Variants in SIRT4 observed in about 807,000 individuals in gnomAD.
The protein encoded by SIRT4 is NAD-dependent protein lipoamidase sirtuin-4, mitochondrial.
SIRT4 carries 23 observed loss-of-function variants against 26.1 expected under a neutral mutation model. The observed-to-expected ratio is 0.88, with a 90% CI of 0.63 to 1.25. SIRT4 has a LOEUF of 1.25. SIRT4 is among the 50% of genes most tolerant of loss of function. The probability of loss-of-function intolerance (pLI) is 0.00; values close to 1 mark genes in which losing one functional copy is unlikely to be tolerated. For missense variants in SIRT4, 361 were observed against 405.4 expected (o/e 0.89, Z 0.94); for synonymous variants, 155 against 158.4 (o/e 0.98, Z 0.16).
At chr12:120,311,185 G>A (rs1239227631) in intron 2 of SIRT4, among the ~76,000 whole-genome samples, 3 of 147,930 alleles carry the variant, frequency 2.0e-5, no homozygotes, top group East Asian at 2.2e-4. Context: ...GAGAAACCCC[G>A]TCTCTACTAA....
At chr12:120,306,011 C>CAA (rs1297577997) in intron 2 of SIRT4, among the ~76,000 whole-genome samples, 6 of 73,794 alleles carry the variant, frequency 8.1e-5, no homozygotes, top group East Asian at 7.4e-4. Context: ...GACTCCGTCT[C>CAA]AAAAAAAAAA....
chr12:120,306,575 G>A (rs1248959838), intron 2 of SIRT4, among the ~76,000 whole-genome samples: 1 of 152,078 alleles, frequency 6.6e-6, no homozygotes, highest in Non-Finnish European at 1.5e-5. Context: ...GCAGAGGCAG[G>A]CAGATCACTT....
At chr12:120,306,867 T>C (rs1362638449) in intron 2 of SIRT4, among the ~76,000 whole-genome samples, 1 of 152,196 alleles carries the variant, frequency 6.6e-6, no homozygotes, top group Non-Finnish European at 1.5e-5. Context: ...GAGGAAAATA[T>C]GAGCTGAACA....
At chr12:120,297,535 AAAAGAAAGAAAG>A (rs143033841), upstream of SIRT4, among the ~76,000 whole-genome samples, 2 of 151,642 alleles carry the variant, frequency 1.3e-5, no homozygotes, top group Non-Finnish European at 2.9e-5. Context: ...CAAAAATTAA[AAAAGAAAGAAAG>A]AAAGAAAGAA....
chr12:120,302,143 CAA>C (rs759222331), upstream of SIRT4, among the ~76,000 whole-genome samples: 7 of 149,880 alleles, frequency 4.7e-5, no homozygotes, highest in Non-Finnish European at 5.9e-5. Context: ...AAATTGAAAA[CAA>C]AGAAAAAAAT....
chr12:120,310,392 T>G (rs1017099795), intron 2 of SIRT4, among the ~76,000 whole-genome samples: 1 of 151,944 alleles, frequency 6.6e-6, no homozygotes, highest in African/African-American at 2.4e-5. Flanking sequence ...CCAAAAAAAT[T>G]TTTTTTGTAG....
At chr12:120,310,013 G>A (rs994954054) in intron 2 of SIRT4, among the ~76,000 whole-genome samples, 89 of 152,000 alleles carry the variant, frequency 5.9e-4, no homozygotes, top group African/African-American at 2.1e-3. Flanking sequence ...CACCGTGCCC[G>A]GCCTGGCCTT....
intron 2 of SIRT4, among the ~76,000 whole-genome samples, chr12:120,305,216 T>C (rs889744963): frequency 7.4e-6 from 1 of 135,286 alleles, no homozygotes; most frequent in Non-Finnish European, 1.6e-5. Context: ...GATTTTCTTT[T>C]ATTTTCTTTT....
intron 2 of SIRT4, among the ~76,000 whole-genome samples, chr12:120,311,070 A>AAAAAT (rs1872946865): frequency 6.7e-6 from 1 of 149,132 alleles, no homozygotes; most frequent in South Asian, 2.1e-4. Context: ...AAAAAAAAAA[A>AAAAAT]AAAATAGGCC....
chr12:120,303,921 G>A lies in SIRT4; in HGVS notation c.360G>A (p.Gln120=). The change falls in exon 2 of 4, where the codon CAG becomes CAA. Residue 120 remains glutamine, a synonymous_variant. Coordinates refer to ENST00000202967, the MANE Select transcript of SIRT4 (RefSeq NM_012240.3). ...FVGWPQFSSH[Q]PNPAHWALST... ...GCTGGCCTCAATTCTCCTCCCACCA[G>A]CCTAACCCTGCACACTGGGCTTTGA... 6.2e-7 allele frequency: 1 copy of A among 1,614,188 alleles called. No individual in the cohort carries two copies. The highest frequency in any genetic ancestry group is 1.3e-5 in the African/African-American group (1 of 75,054).
Position 120,310,140 on chromosome 12 carries a change from T to A in SIRT4, c.498-2316T>A, listed in dbSNP as rs879279878. Among the ~76,000 whole-genome samples, 88 of 151,896 alleles carry A rather than the reference T, an allele frequency of 5.8e-4. 1 individual carries two copies. Among genetic ancestry groups the A allele is most frequent in the African/African-American group, 1.4e-3 (60 of 41,464 alleles). ...ATTAGAACTCCAGCTAATTAAAAAATTTTTTTTGGCTAGGCGTGGTGGCTC... is the reference window on the plus strand; with the variant it reads ...ATTAGAACTCCAGCTAATTAAAAAAATTTTTTTGGCTAGGCGTGGTGGCTC... On this transcript the variant is annotated intron_variant, in intron 2 of 3. Coordinates refer to ENST00000202967, the MANE Select transcript of SIRT4 (RefSeq NM_012240.3).
the SIRT4 span, chr12:120,292,953 A>AG: frequency 4.6e-5 from 7 of 152,216 alleles, no homozygotes; most frequent in Non-Finnish European, 8.8e-5. Flanking sequence ...GTAAACTTGC[A>AG]GGTGCTCTCG....
At chr12:120,309,860 T>C (rs1368486243) in intron 2 of SIRT4, among the ~76,000 whole-genome samples, 1 of 150,876 alleles carries the variant, frequency 6.6e-6, no homozygotes, top group Non-Finnish European at 1.5e-5. Context: ...GAATTACAGG[T>C]GTGCACCACC....
the SIRT4 span, among the ~76,000 whole-genome samples, chr12:120,294,231 T>C: frequency 6.6e-6 from 1 of 151,986 alleles, no homozygotes; most frequent in Non-Finnish European, 1.5e-5. Flanking sequence ...TGACCTCACG[T>C]GATCTGCCTG....
chr12:120,291,864 A>G, the SIRT4 span: 5 of 152,138 alleles, frequency 3.3e-5, no homozygotes, highest in Admixed American at 6.6e-5. Flanking sequence ...CGCGCCTCGG[A>G]TAAACCTCAT....
upstream of SIRT4, among the ~76,000 whole-genome samples, chr12:120,302,060 TA>T (rs397966830): frequency 1.0e-3 from 137 of 131,228 alleles, no homozygotes; most frequent in Middle Eastern, 7.5e-3. Flanking sequence ...AACTCCGTCT[TA>T]AAAAAAAAAA....
chr12:120,311,735 CAAAAAAAAAAA>C lies in SIRT4; in HGVS notation c.498-702_498-692del, dbSNP rs10612543. Among the ~76,000 whole-genome samples the C allele has an allele frequency of 1.1e-4, 6 of 55,108 alleles. No homozygotes were observed. In the South Asian group the frequency reaches 3.2e-3, roughly 29 times the overall value. The allele number at this position is 55,108 out of a possible 152,430, so 36.2% of individuals were successfully genotyped here. ...GGGCAATGAGAGTGAAACTTGCTCT[CAAAAAAAAAAA>C]AAAAAAAAAAAAAAAAAAGAGGTGA... is the stretch of plus-strand genomic sequence containing the variant. On this transcript the variant is annotated intron_variant, in intron 2 of 3. Coordinates refer to ENST00000202967, the MANE Select transcript of SIRT4 (RefSeq NM_012240.3).
intron 2 of SIRT4, among the ~76,000 whole-genome samples, chr12:120,312,182 G>A (rs1051699407): frequency 1.3e-5 from 2 of 152,132 alleles, no homozygotes; most frequent in Non-Finnish European, 2.9e-5. Context: ...CTGCCACTCA[G>A]GAGGATGAGG....
intron 2 of SIRT4, among the ~76,000 whole-genome samples, chr12:120,305,068 C>T (rs1196411093): frequency 1.3e-5 from 2 of 150,854 alleles, no homozygotes; most frequent in East Asian, 2.0e-4. Context: ...GCAGGAGAAT[C>T]GCTTGAACCT....
Sources: gnomAD v4.1 joint callset for allele counts (sites outside exome capture counted in the v4.1 genomes callset) on GRCh38, gnomAD v4.1.1 for gene constraint, MANE v1.5 for transcripts, NCBI Gene and HGNC (gene_info 2026-07-23, HGNC 2026-07-21) for gene names.